The following TNFRSF8 variants were observed in gnomAD, a reference collection of about 807,000 sequenced individuals.
The protein encoded by TNFRSF8 is TNF receptor superfamily member 8, also known as tumor necrosis factor receptor superfamily member 8.
A neutral mutation model predicts 70.8 loss-of-function variants in TNFRSF8; 26 were observed. The ratio of observed to expected loss-of-function variants is 0.37; its 90% CI spans 0.27 to 0.51. The LOEUF (loss-of-function observed/expected upper bound fraction) is 0.51. Among genes scored for constraint, TNFRSF8 ranks in the 20% least tolerant of loss-of-function variants. The pLI is 0.94. For synonymous variants in TNFRSF8, 356 were observed against 339.2 expected (o/e 1.05, Z -0.54); for missense variants, 720 against 807.9 (o/e 0.89, Z 1.32).
chr1:12,143,260 T>G lies in TNFRSF8; in HGVS notation c.*729T>G, dbSNP rs1446385930. 6.6e-6 allele frequency: 1 copy of G among 152,272 alleles called. No homozygotes were observed. Among genetic ancestry groups the G allele is most frequent in the Non-Finnish European group, 1.5e-5 (1 of 68,104 alleles). 9.4% of individuals were successfully genotyped at this position (152,272 alleles called of 1,614,324 possible). ...CAGGATCAAGTCACTCATCTCAGAA[T>G]GTCCCCACCAATCCCCGCCACAGCA... On this transcript the variant is annotated 3_prime_UTR_variant, in exon 15 of 15. Transcript: ENST00000263932. The surrounding 1 kb of genome is among the most constrained non-coding windows in gnomAD (Gnocchi z 4.1).
At chr1:12,126,454 G>A (rs906625492) in intron 12 of TNFRSF8, among the ~76,000 whole-genome samples, 2 of 152,222 alleles carry the variant, frequency 1.3e-5, no homozygotes, top group Non-Finnish European at 2.9e-5. Context: ...TGGGTGTGAC[G>A]ACTGTGTGGC....
intron 8 of TNFRSF8, among the ~76,000 whole-genome samples, chr1:12,117,924 C>T (rs1641761769): frequency 6.6e-6 from 1 of 152,108 alleles, no homozygotes. Context: ...ATTTCACTCC[C>T]ACTTAGAAGT....
intron 1 of TNFRSF8, among the ~76,000 whole-genome samples, chr1:12,071,138 G>A (rs993402129): frequency 6.6e-6 from 1 of 152,138 alleles, no homozygotes; most frequent in Non-Finnish European, 1.5e-5. Flanking sequence ...CAACATGAAG[G>A]TATTGTCTTA....
At chr1:12,084,340 T>G in intron 1 of TNFRSF8, 124 bp from the exon 2 acceptor site, 1 of 851,746 alleles carries the variant, frequency 1.2e-6, no homozygotes, top group Admixed American at 2.0e-5. Context: ...GAATCAGGAG[T>G]TCTCGTCCTG....
intron 8 of TNFRSF8, among the ~76,000 whole-genome samples, chr1:12,122,428 C>A (rs774095094): frequency 2.6e-5 from 4 of 151,862 alleles, no homozygotes; most frequent in Non-Finnish European, 5.9e-5. Flanking sequence ...GGGCGGATCA[C>A]TTGAGGTCAG....
chr1:12,112,023 C>A lies in TNFRSF8; in HGVS notation c.793+9C>A. ...CGTGAGCTGTTCTCGAGGTAAGGGC[C>A]TCGTCCCTCCCCGGGCCTCAGTTTA... On this transcript the variant is annotated intron_variant, in intron 7 of 14. Coordinates refer to ENST00000263932, the MANE Select transcript of TNFRSF8 (RefSeq NM_001243.5). This position sits in a 1 kb window ranked among gnomAD's most constrained non-coding sequence, Gnocchi z 5.3. The A allele has an allele frequency of 6.2e-7, 1 of 1,607,028 alleles. No individual in the cohort carries two copies. The highest frequency in any genetic ancestry group is 8.5e-7 in the Non-Finnish European group (1 of 1,174,056).
At position 12,142,159 on chromosome 1, in the gene TNFRSF8, G is replaced by T; in HGVS notation, c.1544-128G>T. The T allele has an allele frequency of 7.7e-7, 1 of 1,300,766 alleles. No individual in the cohort carries two copies. Among genetic ancestry groups the T allele is most frequent in the Non-Finnish European group, 1.0e-6 (1 of 963,254 alleles). The allele number at this position is 1,300,766 out of a possible 1,614,324, so 80.6% of individuals were successfully genotyped here. On this transcript the variant is annotated intron_variant, in intron 14 of 14. Transcript: ENST00000263932. The surrounding 1 kb of genome is among the most constrained non-coding windows in gnomAD (Gnocchi z 5.0). ...GATGCCTGTAAGGTACATCAGAGAG[G>T]CTGTGCCATCAGCCTGAAGCCACCC... is the stretch of plus-strand genomic sequence containing the variant.
At chr1:12,107,723 C>T (rs978104805) in intron 4 of TNFRSF8, among the ~76,000 whole-genome samples, 1 of 152,102 alleles carries the variant, frequency 6.6e-6, no homozygotes, top group African/African-American at 2.4e-5. Flanking sequence ...TCTCTGGGGT[C>T]CCCTGTGGAC....
At chr1:12,116,526 C>T (rs879738842) in intron 8 of TNFRSF8, among the ~76,000 whole-genome samples, 16 of 151,878 alleles carry the variant, frequency 1.1e-4, no homozygotes, top group African/African-American at 3.6e-4. Flanking sequence ...AATGGCCAGG[C>T]GTGGTGGCTC....
chr1:12,116,726 G>C (rs1460956595), intron 8 of TNFRSF8, among the ~76,000 whole-genome samples: 1 of 152,140 alleles, frequency 6.6e-6, no homozygotes, highest in Non-Finnish European at 1.5e-5. Flanking sequence ...CTTGAACCCG[G>C]GAGGCATAGG....
At position 12,138,503 on chromosome 1, in the gene TNFRSF8, T is replaced by G; in HGVS notation, c.1543+67T>G. 1 of 1,450,256 alleles carries G rather than the reference T, an allele frequency of 6.9e-7. No homozygotes were observed. The highest frequency in any genetic ancestry group is 9.3e-7 in the Non-Finnish European group (1 of 1,076,428). The allele number at this position is 1,450,256 out of a possible 1,614,324, so 89.8% of individuals were successfully genotyped here. A position where few individuals can be genotyped will look rare whatever the true frequency, so the allele number is the denominator to read the frequency against. On this transcript the variant is annotated intron_variant, in intron 14 of 14. Coordinates refer to ENST00000263932, the MANE Select transcript of TNFRSF8 (RefSeq NM_001243.5). This position sits in a 1 kb window ranked among gnomAD's most constrained non-coding sequence, Gnocchi z 5.7. ...CAGATGGGAGATGAATACGGGGCCC[T>G]GGGCCCTGGAAGGGACCTGGAGACC...
At chr1:12,066,354 AT>A (rs113285006) in intron 1 of TNFRSF8, among the ~76,000 whole-genome samples, 1,448 of 140,708 alleles carry the variant, frequency 0.01, 16 homozygotes, top group African/African-American at 0.028. Context: ...TGAGTTTAAA[AT>A]TTTTTTTTTT....
intron 6 of TNFRSF8, 90 bp from the exon 7 acceptor site, chr1:12,111,808 C>T (rs376728198): frequency 1.8e-5 from 19 of 1,043,824 alleles, no homozygotes; most frequent in East Asian, 4.7e-5. Flanking sequence ...GAGCTGGCCA[C>T]GGTGAGGGAT....
chr1:12,067,906 G>C (rs958584802), intron 1 of TNFRSF8, among the ~76,000 whole-genome samples: 1 of 135,362 alleles, frequency 7.4e-6, no homozygotes, highest in Admixed American at 7.4e-5. Flanking sequence ...GGGGGGGCGG[G>C]GGGGGGACCT....
intron 6 of TNFRSF8, among the ~76,000 whole-genome samples, chr1:12,111,218 G>A (rs781585455): frequency 3.9e-5 from 6 of 151,984 alleles, no homozygotes; most frequent in Non-Finnish European, 5.9e-5. Flanking sequence ...GTCTTGCTCT[G>A]TCGCCCAGAC....
At chr1:12,086,019 C>T (rs971402374) in intron 2 of TNFRSF8, among the ~76,000 whole-genome samples, 5 of 152,182 alleles carry the variant, frequency 3.3e-5, no homozygotes, top group African/African-American at 1.2e-4. Flanking sequence ...GACAGCAGGC[C>T]ATTGCAAGTG....
chr1:12,084,441 C>T (rs1641117675), intron 1 of TNFRSF8, 23 bp from the exon 2 acceptor site: 2 of 1,612,202 alleles, frequency 1.2e-6, no homozygotes, highest in South Asian at 1.1e-5. Context: ...CACCTGGCCT[C>T]ACCAGCTTTT....
chr1:12,128,164 A>G (rs1016232781), intron 12 of TNFRSF8, among the ~76,000 whole-genome samples: 8 of 152,318 alleles, frequency 5.3e-5, no homozygotes, highest in African/African-American at 1.9e-4. Flanking sequence ...ATCTATTCAC[A>G]TGGTCTTCAC....
In TNFRSF8 at chr1:12,096,444, AT is replaced by A. The variant is rs1470284381; in HGVS notation, c.152-656del. 2.5e-3 allele frequency among the ~76,000 whole-genome samples: 363 copies of A among 144,032 alleles called. 1 individual carries two copies. Among genetic ancestry groups the A allele is most frequent in the African/African-American group, 9.0e-3 (348 of 38,602 alleles). 94.5% of individuals were successfully genotyped at this position (144,032 alleles called of 152,430 possible). A position where few individuals can be genotyped will look rare whatever the true frequency, so the allele number is the denominator to read the frequency against. On this transcript the variant is annotated intron_variant, in intron 2 of 14. Transcript: ENST00000263932. ...TGAGCTAAAAAAAAAAAAAAAAAAA[AT>A]CACACACACGCAAATCTCATAATGT... is the stretch of plus-strand genomic sequence containing the variant.
Sources: allele counts gnomAD v4.1 joint callset (sites outside exome capture counted in the v4.1 genomes callset), GRCh38; gene constraint gnomAD v4.1.1; non-coding constraint Gnocchi (gnomAD v3.1); transcripts MANE v1.5; gene names NCBI Gene and HGNC (gene_info 2026-07-23, HGNC 2026-07-21).